The following GFRA2 variants were observed in gnomAD, a reference collection of about 807,000 sequenced individuals.
GFRA2 encodes GDNF family receptor alpha 2, also known as GDNF family receptor alpha-2.
Under a neutral mutation model 48.3 loss-of-function variants are expected in GFRA2, and 17 were observed. The observed-to-expected ratio is 0.35, with a 90% CI of 0.24 to 0.53. The LOEUF is 0.53. Ranked by LOEUF, GFRA2 falls within the 20% of genes least tolerant of loss-of-function variation. The pLI is 0.93. For missense variants in GFRA2, 660 were observed against 637.3 expected (o/e 1.04, Z -0.38); for synonymous variants, 305 against 257.2 (o/e 1.19, Z -1.78).
At chr8:21,716,963 G>A (rs79560093) in intron 4 of GFRA2, among the ~76,000 whole-genome samples, 3,136 of 152,304 alleles carry the variant, frequency 0.021, 96 homozygotes, top group African/African-American at 0.07. Context: ...TGAGCAGCCT[G>A]CTCGGTCTTG....
At chr8:21,792,871 C>A (rs1389224586), upstream of GFRA2, among the ~76,000 whole-genome samples, 2 of 152,154 alleles carry the variant, frequency 1.3e-5, no homozygotes, top group Non-Finnish European at 1.5e-5. Context: ...TCCAGACCAG[C>A]CTGACCAACA....
chr8:21,786,687 T>C (rs1807283245), intron 1 of GFRA2, among the ~76,000 whole-genome samples: 2 of 152,162 alleles, frequency 1.3e-5, no homozygotes, highest in African/African-American at 4.8e-5. Flanking sequence ...GAGCAGGGAC[T>C]TGCCCCCTTG....
intron 2 of GFRA2, among the ~76,000 whole-genome samples, chr8:21,797,286 G>GTTT (rs1807694068): frequency 1.1e-5 from 1 of 91,512 alleles, no homozygotes; most frequent in Admixed American, 1.2e-4. Context: ...TCCTTTCTTT[G>GTTT]CTTTTTTTTT....
In GFRA2 at chr8:21,691,871, G is replaced by A. The variant is rs1003412079; in HGVS notation, c.*1407C>T. On this transcript the variant is annotated 3_prime_UTR_variant, in exon 9 of 9. Coordinates refer to ENST00000524240, the MANE Select transcript of GFRA2 (RefSeq NM_001495.5). ...CATCTACACACAATGTGGACACATG[G>A]GTGAGACACATGGATGCACACACAT... The A allele has an allele frequency of 6.6e-6, 1 of 152,576 alleles. No homozygotes were observed. Among genetic ancestry groups the A allele is most frequent in the Non-Finnish European group, 1.5e-5 (1 of 68,136 alleles). The allele number at this position is 152,576 out of a possible 1,614,324, so 9.5% of individuals were successfully genotyped here.
intron 8 of GFRA2, 89 bp from the exon 9 acceptor site, chr8:21,693,489 A>T: frequency 8.0e-7 from 1 of 1,249,930 alleles, no homozygotes; most frequent in Non-Finnish European, 1.1e-6. Context: ...AGAGAAACGG[A>T]CTCAGGAACT....
chr8:21,746,677 G>A (rs1805021218), intron 4 of GFRA2, among the ~76,000 whole-genome samples: 1 of 151,902 alleles, frequency 6.6e-6, no homozygotes, highest in South Asian at 2.1e-4. Context: ...CAGCTCCCAG[G>A]ATTCCTCAGT....
chr8:21,788,057 G>GCCCCC, intron 1 of GFRA2, 63 bp downstream of exon 1: 1 of 167,794 alleles, frequency 6.0e-6, no homozygotes, highest in Non-Finnish European at 1.1e-5. Context: ...CCGGCGCTCC[G>GCCCCC]CTCGCCCCCC....
chr8:21,793,261 G>C (rs1807608980), upstream of GFRA2, among the ~76,000 whole-genome samples: 1 of 152,162 alleles, frequency 6.6e-6, no homozygotes, highest in Non-Finnish European at 1.5e-5. Flanking sequence ...TGAGAATAAT[G>C]TTTTAGGAAG....
intron 4 of GFRA2, among the ~76,000 whole-genome samples, chr8:21,712,679 G>A (rs996930962): frequency 6.6e-6 from 1 of 152,150 alleles, no homozygotes; most frequent in Non-Finnish European, 1.5e-5. Flanking sequence ...AGGTTGTAGT[G>A]AGCCGAGATC....
Position 21,693,043 on chromosome 8 carries a change from T to G in GFRA2, c.*235A>C, listed in dbSNP as rs1801947721. The G allele has an allele frequency of 2.9e-6, 1 of 348,832 alleles. No homozygotes were observed. Among genetic ancestry groups the G allele is most frequent in the Non-Finnish European group, 5.3e-6 (1 of 189,884 alleles). 21.6% of individuals were successfully genotyped at this position (348,832 alleles called of 1,614,324 possible). A position where few individuals can be genotyped will look rare whatever the true frequency, so the allele number is the denominator to read the frequency against. On this transcript the variant is annotated 3_prime_UTR_variant, in exon 9 of 9. Transcript: ENST00000524240. ...CCTCGTGCCCTCCCCGGCACCAGAG[T>G]TTCCCCTGCCAGGGGACCCCTGGGC... is the stretch of plus-strand genomic sequence containing the variant.
intron 3 of GFRA2, among the ~76,000 whole-genome samples, chr8:21,763,829 CCT>C (rs1327048373): frequency 6.6e-6 from 1 of 151,840 alleles, no homozygotes; most frequent in Non-Finnish European, 1.5e-5. Flanking sequence ...CATGAAACCC[CCT>C]GAGCTCCTCA....
intron 3 of GFRA2, among the ~76,000 whole-genome samples, chr8:21,763,037 A>T (rs1473970320): frequency 6.6e-6 from 1 of 152,208 alleles, no homozygotes; most frequent in Non-Finnish European, 1.5e-5. Flanking sequence ...TTGTTTACTG[A>T]TTATGAAATA....
At chr8:21,769,254 C>A in intron 3 of GFRA2, 2 of 734,086 alleles carry the variant, frequency 2.7e-6, no homozygotes, top group Non-Finnish European at 3.3e-6. Flanking sequence ...CCCGCCCCAG[C>A]CCCGCCCCTG....
chr8:21,810,386 C>G (rs1020356195), intron 1 of GFRA2, among the ~76,000 whole-genome samples: 3 of 152,170 alleles, frequency 2.0e-5, no homozygotes, highest in African/African-American at 7.2e-5. Context: ...GGAGCCATAG[C>G]CCCACAGTCC....
chr8:21,712,134 C>T (rs1233790423), intron 4 of GFRA2, among the ~76,000 whole-genome samples: 1 of 152,226 alleles, frequency 6.6e-6, no homozygotes, highest in African/African-American at 2.4e-5. Context: ...CCCCACCTTT[C>T]CCCCTTTTCT....
At chr8:21,804,122 CCA>C (rs1297882934) in intron 2 of GFRA2, among the ~76,000 whole-genome samples, 3 of 152,016 alleles carry the variant, frequency 2.0e-5, no homozygotes, top group African/African-American at 7.2e-5. Flanking sequence ...TCCCCTGTCT[CCA>C]AAAATCATTC....
chr8:21,730,496 C>T (rs994663163), intron 4 of GFRA2, among the ~76,000 whole-genome samples: 4 of 152,158 alleles, frequency 2.6e-5, no homozygotes, highest in Non-Finnish European at 5.9e-5. Context: ...CTCCTCGGCC[C>T]CTATCTGCAC....
rs186678905 is a variant in GFRA2 at position 21,756,396 on chromosome 8, C to A, written c.440-5454G>T. Among the ~76,000 whole-genome samples the A allele has an allele frequency of 2.9e-3, 441 of 152,262 alleles. 3 individuals are homozygous for A. Among genetic ancestry groups the A allele is most frequent in the South Asian group, 0.024 (114 of 4,824 alleles). ...AACCGGGTTTGAGTGGGCCGGATGA[C>A]GGGAGAAAAGACCCCAGGAGCGGGC... On this transcript the variant is annotated intron_variant, in intron 3 of 8. Transcript: ENST00000524240.
intron 1 of GFRA2, 112 bp downstream of exon 1, chr8:21,788,008 G>C (rs1366947421): frequency 9.4e-5 from 56 of 598,610 alleles, no homozygotes; most frequent in Non-Finnish European, 1.4e-4. Flanking sequence ...GGCTAGCTCC[G>C]CGGCGCGCTC....
Sources: allele counts gnomAD v4.1 joint callset (sites outside exome capture counted in the v4.1 genomes callset), GRCh38; gene constraint gnomAD v4.1.1; transcripts MANE v1.5; gene names NCBI Gene and HGNC (gene_info 2026-07-23, HGNC 2026-07-21).